Variants in FBXL2 observed in about 807,000 individuals in gnomAD.
FBXL2 encodes F-box/LRR-repeat protein 2.
In FBXL2, 38 loss-of-function variants were observed where a neutral mutation model predicts 69.2. That is an observed-to-expected ratio of 0.55 (90% CI 0.42 to 0.72). The LOEUF is 0.72. Ranked by LOEUF, FBXL2 falls within the 30% of genes least tolerant of loss-of-function variation. The pLI is 0.00. For synonymous variants in FBXL2, 192 were observed against 201.3 expected (o/e 0.95, Z 0.39); for missense variants, 354 against 520.3 (o/e 0.68, Z 3.11).
intron 2 of FBXL2, among the ~76,000 whole-genome samples, chr3:33,348,126 A>G (rs1313127807): frequency 6.6e-6 from 1 of 152,092 alleles, no homozygotes; most frequent in Non-Finnish European, 1.5e-5. Flanking sequence ...ATTTCCCCCA[A>G]TGCTTTCATG....
chr3:33,359,468 T>C, intron 4 of FBXL2, 111 bp downstream of exon 4: 1 of 611,130 alleles, frequency 1.6e-6, no homozygotes, highest in Non-Finnish European at 2.7e-6. Flanking sequence ...AGTGCTGAGG[T>C]AGAACAGAAA....
intron 2 of FBXL2, among the ~76,000 whole-genome samples, chr3:33,309,998 A>G (rs1055726746): frequency 7.9e-5 from 12 of 152,056 alleles, no homozygotes; most frequent in African/African-American, 2.7e-4. Flanking sequence ...TTTTCTCTAC[A>G]AAAAGGAAAA....
intron 2 of FBXL2, among the ~76,000 whole-genome samples, chr3:33,352,076 T>G (rs2040865315): frequency 2.0e-5 from 3 of 152,070 alleles, no homozygotes; most frequent in Non-Finnish European, 4.4e-5. Context: ...ATTTTAAGAC[T>G]TAGTATAAAG....
At chr3:33,400,752 T>C (rs1212200524) in intron 12 of FBXL2, among the ~76,000 whole-genome samples, 1 of 152,008 alleles carries the variant, frequency 6.6e-6, no homozygotes, top group East Asian at 1.9e-4. Context: ...AAGGAGTAAA[T>C]TCAGTATTTC....
Position 33,386,130 on chromosome 3 carries a change from T to C in FBXL2, c.*522T>C, listed in dbSNP as rs956057858. On this transcript the variant is annotated 3_prime_UTR_variant, in exon 15 of 15. Transcript: ENST00000484457. ...ATTAATTCATAATGCCTGATAGTTTTATATATAGAGACTTATGTGGAAGGC... is the reference window on the plus strand; with the variant it reads ...ATTAATTCATAATGCCTGATAGTTTCATATATAGAGACTTATGTGGAAGGC... The C allele has an allele frequency of 1.2e-5, 2 of 165,348 alleles. No individual in the cohort carries two copies. The highest frequency in any genetic ancestry group is 2.4e-5 in the African/African-American group (1 of 41,490). 10.2% of individuals were successfully genotyped at this position (165,348 alleles called of 1,614,324 possible).
chr3:33,326,505 CAAAA>C (rs543949783), intron 2 of FBXL2, among the ~76,000 whole-genome samples: 1 of 96,594 alleles, frequency 1.0e-5, no homozygotes. Flanking sequence ...GACTCCGTCT[CAAAA>C]AAAAAAAAAA....
At chr3:33,278,729 CTTTAT>C (rs1038086529) in intron 1 of FBXL2, among the ~76,000 whole-genome samples, 1 of 152,130 alleles carries the variant, frequency 6.6e-6, no homozygotes, top group Non-Finnish European at 1.5e-5. Flanking sequence ...CATGTAATGC[CTTTAT>C]TTTGTGTATG....
chr3:33,365,304 G>C (rs1183643922), intron 5 of FBXL2, among the ~76,000 whole-genome samples: 1 of 145,804 alleles, frequency 6.9e-6, no homozygotes, highest in East Asian at 2.0e-4. Context: ...TTTTGAGACC[G>C]AGTCTCACTC....
chr3:33,289,053 G>A (rs764170513), intron 1 of FBXL2, among the ~76,000 whole-genome samples: 1 of 152,124 alleles, frequency 6.6e-6, no homozygotes, highest in Non-Finnish European at 1.5e-5. Context: ...GTTTGGAGTA[G>A]GGATGAAGAA....
intron 12 of FBXL2, among the ~76,000 whole-genome samples, chr3:33,394,478 A>G (rs1188218417): frequency 6.6e-6 from 1 of 151,130 alleles, no homozygotes; most frequent in Non-Finnish European, 1.5e-5. Context: ...AATATAAACA[A>G]TGAAGTGTGA....
chr3:33,320,986 C>T (rs113374634), intron 2 of FBXL2, among the ~76,000 whole-genome samples: 2,164 of 152,038 alleles, frequency 0.014, 51 homozygotes, highest in African/African-American at 0.05. Context: ...AGAACTCTTA[C>T]AAATCAATAA....
At position 33,317,223 on chromosome 3, in the gene FBXL2, C is replaced by G. The variant is rs118144318; in HGVS notation, c.65+19498C>G. 1.5e-3 allele frequency among the ~76,000 whole-genome samples: 228 copies of G among 152,236 alleles called. 2 individuals are homozygous for G. In the East Asian group the frequency reaches 0.036, roughly 24 times the overall value. On this transcript the variant is annotated intron_variant, in intron 2 of 14. Coordinates refer to ENST00000484457, the MANE Select transcript of FBXL2 (RefSeq NM_012157.5). ...TAATATATGAATTTTTCATCACCCC[C>G]CAAAGTTCCCCAGTGCCCCTGTGTA...
chr3:33,350,575 G>GGCCTGCGCCACCAT (rs1204709652), intron 2 of FBXL2, among the ~76,000 whole-genome samples: 5 of 152,036 alleles, frequency 3.3e-5, no homozygotes, highest in African/African-American at 4.8e-5. Context: ...TGGGATTACA[G>GGCCTGCGCCACCAT]GCCTGCGCCA....
At chr3:33,382,933 CCTT>C (rs1302572630) in intron 13 of FBXL2, 4 of 152,248 alleles carry the variant, frequency 2.6e-5, no homozygotes, top group Non-Finnish European at 5.9e-5. Flanking sequence ...TATATGTTGA[CCTT>C]CTTCCTAAAC....
At chr3:33,290,995 A>G (rs1461179490) in intron 1 of FBXL2, among the ~76,000 whole-genome samples, 1 of 151,994 alleles carries the variant, frequency 6.6e-6, no homozygotes, top group African/African-American at 2.4e-5. Context: ...AGTGGTGTGA[A>G]TATAGCCGAC....
intron 2 of FBXL2, among the ~76,000 whole-genome samples, chr3:33,353,061 T>C (rs2040941938): frequency 6.6e-6 from 1 of 152,154 alleles, no homozygotes; most frequent in Non-Finnish European, 1.5e-5. Context: ...CACTAGAGAA[T>C]TGAAAATTAA....
the FBXL2 span, among the ~76,000 whole-genome samples, chr3:33,422,225 G>A: frequency 6.6e-6 from 1 of 152,086 alleles, no homozygotes; most frequent in Non-Finnish European, 1.5e-5. Flanking sequence ...TCCAATCCTT[G>A]TCCAAATCTA....
chr3:33,411,895 T>A, the FBXL2 span, among the ~76,000 whole-genome samples: 2 of 151,574 alleles, frequency 1.3e-5, no homozygotes, highest in East Asian at 1.9e-4. Context: ...TCATTTTTTT[T>A]AAGAATATGA....
intron 1 of FBXL2, among the ~76,000 whole-genome samples, chr3:33,281,958 A>G (rs1370003155): frequency 6.6e-6 from 1 of 152,188 alleles, no homozygotes; most frequent in East Asian, 1.9e-4. Context: ...CCTTTGTCAG[A>G]TGGGTAGATT....
Sources: allele counts gnomAD v4.1 joint callset (sites outside exome capture counted in the v4.1 genomes callset), GRCh38; gene constraint gnomAD v4.1.1; transcripts MANE v1.5; gene names NCBI Gene and HGNC (gene_info 2026-07-23, HGNC 2026-07-21).